The following NCAM2 variants were observed in gnomAD, a reference collection of about 807,000 sequenced individuals.
NCAM2 encodes the protein neural cell adhesion molecule 2.
A neutral mutation model predicts 98.1 loss-of-function variants in NCAM2; 30 were observed. The observed-to-expected ratio is 0.31, with a 90% CI of 0.23 to 0.41. The LOEUF (loss-of-function observed/expected upper bound fraction) is 0.41. Ranked by LOEUF, NCAM2 falls within the 10% of genes least tolerant of loss-of-function variation. NCAM2 has a pLI of 1.00. For synonymous variants in NCAM2, 368 were observed against 342.4 expected (o/e 1.07, Z -0.83); for missense variants, 867 against 1,005.8 (o/e 0.86, Z 1.87).
intron 10 of NCAM2, among the ~76,000 whole-genome samples, 182 bp from the exon 11 acceptor site, chr21:21,418,291 A>G (rs974534954): frequency 1.3e-5 from 2 of 152,056 alleles, no homozygotes; most frequent in Non-Finnish European, 2.9e-5. Flanking sequence ...GGGCTCATGG[A>G]TACATCATAA....
chr21:21,324,223 G>A (rs950818150), intron 5 of NCAM2, among the ~76,000 whole-genome samples, 160 bp from the exon 6 acceptor site: 2 of 152,150 alleles, frequency 1.3e-5, no homozygotes, highest in Admixed American at 1.3e-4. Flanking sequence ...ACGCAGATCA[G>A]TGATAAAGTT....
intron 5 of NCAM2, among the ~76,000 whole-genome samples, chr21:21,320,534 T>C (rs1361335535): frequency 1.3e-5 from 1 of 74,536 alleles, no homozygotes; most frequent in African/African-American, 7.0e-5. Context: ...TGAGAGCTGT[T>C]AGATCATATT....
intron 1 of NCAM2, among the ~76,000 whole-genome samples, chr21:21,256,425 C>T (rs1280329347): frequency 6.6e-6 from 1 of 152,128 alleles, no homozygotes; most frequent in African/African-American, 2.4e-5. Context: ...CTACTGGGGA[C>T]CAGGCTACTC....
At chr21:21,112,914 G>A (rs1161312857) in intron 1 of NCAM2, among the ~76,000 whole-genome samples, 2 of 152,150 alleles carry the variant, frequency 1.3e-5, no homozygotes, top group Admixed American at 1.3e-4. Flanking sequence ...GTAAGAATGG[G>A]ATGTGTTCTT....
intron 1 of NCAM2, among the ~76,000 whole-genome samples, chr21:21,068,560 C>T (rs781155679): frequency 1.3e-5 from 2 of 150,456 alleles, no homozygotes; most frequent in African/African-American, 2.5e-5. Flanking sequence ...CCCAGGTTCA[C>T]GCGATTCTTC....
intron 1 of NCAM2, among the ~76,000 whole-genome samples, chr21:21,140,161 T>C (rs1301399678): frequency 6.6e-6 from 1 of 152,208 alleles, no homozygotes; most frequent in Admixed American, 6.5e-5. Context: ...GTCATTACAA[T>C]TGGTATCATG....
Position 21,373,585 on chromosome 21 carries a change from A to C in NCAM2, c.1045-278A>C, listed in dbSNP as rs568360317. On this transcript the variant is annotated intron_variant, in intron 8 of 17. Coordinates refer to ENST00000400546, the MANE Select transcript of NCAM2 (RefSeq NM_004540.5). ...ACCACATGAGAGATCTTTAAACATCAGGCTGAGTGATTGGGTTTTGTTTGG... is the reference window on the plus strand; with the variant it reads ...ACCACATGAGAGATCTTTAAACATCCGGCTGAGTGATTGGGTTTTGTTTGG... 3.3e-5 allele frequency among the ~76,000 whole-genome samples: 5 copies of C among 151,860 alleles called. No individual in the cohort carries two copies. In the South Asian group the frequency reaches 1.0e-3, roughly 31 times the overall value.
intron 1 of NCAM2, among the ~76,000 whole-genome samples, chr21:21,036,230 T>G (rs1322336915): frequency 1.3e-5 from 2 of 152,154 alleles, no homozygotes; most frequent in African/African-American, 4.8e-5. Context: ...TTTGCCAAAT[T>G]GATAACTAAA....
chr21:21,243,242 CA>C (rs1417303156), intron 1 of NCAM2, among the ~76,000 whole-genome samples: 1 of 152,006 alleles, frequency 6.6e-6, no homozygotes, highest in Non-Finnish European at 1.5e-5. Context: ...TAATAAAGAG[CA>C]AAAGTCTTAG....
intron 12 of NCAM2, among the ~76,000 whole-genome samples, chr21:21,446,336 A>C (rs1406850158): frequency 1.3e-5 from 2 of 151,920 alleles, no homozygotes; most frequent in Admixed American, 1.3e-4. Flanking sequence ...GGAGTATCTT[A>C]GTAGTGTTCT....
chr21:21,527,840 T>A (rs6518107), intron 16 of NCAM2, among the ~76,000 whole-genome samples: 2 of 152,044 alleles, frequency 1.3e-5, no homozygotes, highest in African/African-American at 2.4e-5. Flanking sequence ...TTATTTGAGC[T>A]CCTTAGTATT....
In NCAM2 at chr21:21,286,346, A is replaced by G. The variant is rs2073100496; in HGVS notation, c.415A>G (p.Ser139Gly). 3 of 1,612,390 alleles carry G rather than the reference A, an allele frequency of 1.9e-6. No homozygotes were observed. The highest frequency in any genetic ancestry group is 2.5e-6 in the Non-Finnish European group (3 of 1,179,082). The change falls in exon 4 of 18, where the codon AGC becomes GGC. Residue 139 changes from serine (S) to glycine (G), a missense_variant. This residue lies in a region of NCAM2 where 447 missense variants were observed against 495.7 expected (regional missense o/e 0.90). Transcript: ENST00000400546. ...GEDAEVVCRV[S>G]SSPAPAVSWL... is the part of the protein sequence containing the mutation. ...AGATGCAGAAGTGGTTTGCCGAGTTAGCAGTTCACCTGCACCTGCTGTCAG... is the reference window on the plus strand; with the variant it reads ...AGATGCAGAAGTGGTTTGCCGAGTTGGCAGTTCACCTGCACCTGCTGTCAG...
At chr21:21,133,970 T>G (rs1200637105) in intron 1 of NCAM2, among the ~76,000 whole-genome samples, 3 of 151,978 alleles carry the variant, frequency 2.0e-5, no homozygotes. Context: ...TGCAGTATAT[T>G]CCTTGATCAG....
chr21:21,408,592 A>T (rs568599812), intron 9 of NCAM2, among the ~76,000 whole-genome samples: 7 of 152,182 alleles, frequency 4.6e-5, no homozygotes, highest in African/African-American at 1.7e-4. Flanking sequence ...TGAAAATTAT[A>T]ATTTTATTTC....
chr21:21,468,890 G>A, intron 14 of NCAM2, 107 bp downstream of exon 14: 1 of 987,446 alleles, frequency 1.0e-6, no homozygotes. Flanking sequence ...AGTAATTGTG[G>A]TAATAAATGC....
At chr21:21,218,915 T>G (rs1207205923) in intron 1 of NCAM2, among the ~76,000 whole-genome samples, 3 of 152,192 alleles carry the variant, frequency 2.0e-5, no homozygotes, top group Non-Finnish European at 4.4e-5. Context: ...TGGTGGCACA[T>G]GCCTGTAATC....
intron 1 of NCAM2, among the ~76,000 whole-genome samples, chr21:21,045,687 CAT>C (rs1407181089): frequency 6.6e-6 from 1 of 152,094 alleles, no homozygotes; most frequent in South Asian, 2.1e-4. Flanking sequence ...TAGTGGAGCA[CAT>C]GAGTCAATGT....
At chr21:21,246,444 GA>G (rs1430861190) in intron 1 of NCAM2, among the ~76,000 whole-genome samples, 2 of 152,094 alleles carry the variant, frequency 1.3e-5, no homozygotes, top group Non-Finnish European at 2.9e-5. Flanking sequence ...AAATCAGAGA[GA>G]AGTAGAAAAA....
chr21:21,447,453 GA>G (rs1486532874), intron 12 of NCAM2, among the ~76,000 whole-genome samples: 1 of 152,212 alleles, frequency 6.6e-6, no homozygotes, highest in South Asian at 2.1e-4. Flanking sequence ...AACCCTAGAA[GA>G]AAACCTAGGC....
Sources: allele counts gnomAD v4.1 joint callset (sites outside exome capture counted in the v4.1 genomes callset), GRCh38; gene constraint gnomAD v4.1.1; regional missense constraint gnomAD v4.1.1; transcripts MANE v1.5; gene names NCBI Gene and HGNC (gene_info 2026-07-23, HGNC 2026-07-21).